Variants in SUGCT observed in about 807,000 individuals in gnomAD.
SUGCT encodes succinyl-CoA:glutarate-CoA transferase.
SUGCT carries 41 observed loss-of-function variants against 55.0 expected under a neutral mutation model. The observed-to-expected ratio is 0.74, with a 90% confidence interval of 0.58 to 0.97. The LOEUF (loss-of-function observed/expected upper bound fraction) is 0.97, where lower values mean the gene tolerates loss of function less well. Ranked by LOEUF, SUGCT falls within the 50% of genes least tolerant of loss-of-function variation. The pLI is 0.00. For synonymous variants in SUGCT, 187 were observed against 200.4 expected (o/e 0.93, Z 0.56); for missense variants, 568 against 547.8 (o/e 1.04, Z -0.37).
the SUGCT span, among the ~76,000 whole-genome samples, chr7:40,950,283 T>A: frequency 6.6e-6 from 1 of 152,214 alleles, no homozygotes; most frequent in Non-Finnish European, 1.5e-5. Flanking sequence ...GTAAGAATGC[T>A]TGTGATTTTT....
intron 9 of SUGCT, among the ~76,000 whole-genome samples, chr7:40,335,119 T>C (rs2151159917): frequency 6.6e-6 from 1 of 152,352 alleles, no homozygotes; most frequent in East Asian, 1.9e-4. Context: ...TATATCTCTG[T>C]TTTGGTACCA....
intron 13 of SUGCT, among the ~76,000 whole-genome samples, chr7:40,799,501 G>A (rs1313316827): frequency 6.6e-6 from 1 of 152,146 alleles, no homozygotes; most frequent in Non-Finnish European, 1.5e-5. Context: ...ACAAGGGTTG[G>A]TTGATGGTTG....
chr7:40,816,413 A>G (rs1791673345), intron 13 of SUGCT, among the ~76,000 whole-genome samples: 1 of 152,180 alleles, frequency 6.6e-6, no homozygotes, highest in Non-Finnish European at 1.5e-5. Context: ...AGGGCTTGGG[A>G]GAAACAAAGT....
chr7:40,605,975 C>A (rs1166774601), intron 12 of SUGCT, among the ~76,000 whole-genome samples: 1 of 152,122 alleles, frequency 6.6e-6, no homozygotes, highest in Non-Finnish European at 1.5e-5. Context: ...CCTTGTCTAG[C>A]ATGCTGAGCA....
At chr7:40,736,479 A>G (rs759823754) in intron 12 of SUGCT, among the ~76,000 whole-genome samples, 38 of 151,824 alleles carry the variant, frequency 2.5e-4, no homozygotes, top group Non-Finnish European at 4.4e-4. Flanking sequence ...TAAAGACTAC[A>G]TGGATTCAGT....
chr7:40,432,328 A>C (rs916582538), intron 9 of SUGCT, among the ~76,000 whole-genome samples: 1 of 152,212 alleles, frequency 6.6e-6, no homozygotes, highest in Non-Finnish European at 1.5e-5. Context: ...CCTGCTGAAC[A>C]AACCCACTGA....
chr7:40,859,900 C>G (rs1195210421), intron 13 of SUGCT, among the ~76,000 whole-genome samples: 1 of 152,210 alleles, frequency 6.6e-6, no homozygotes, highest in African/African-American at 2.4e-5. Flanking sequence ...ATTGAGTAGT[C>G]AGCTGCTGGG....
chr7:40,569,245 G>A (rs1216902052), intron 12 of SUGCT, among the ~76,000 whole-genome samples: 3 of 152,080 alleles, frequency 2.0e-5, no homozygotes, highest in Non-Finnish European at 4.4e-5. Context: ...GTGATCCTAG[G>A]GAAACACTCA....
At chr7:41,002,573 GTGTCCATTTTAGATTTAACAA>G in the SUGCT span, among the ~76,000 whole-genome samples, 3,227 of 152,222 alleles carry the variant, frequency 0.021, 110 homozygotes, top group African/African-American at 0.073. Context: ...GCATGATTGA[GTGTCCATTTTAGATTTAACAA>G]TATGAAATTT....
chr7:40,305,158 C>T lies in SUGCT; in HGVS notation c.721-11602C>T, dbSNP rs370256427. Among the ~76,000 whole-genome samples the T allele has an allele frequency of 6.5e-4, 99 of 152,312 alleles. 2 individuals carry two copies. In the South Asian group the frequency reaches 0.02, roughly 31 times the overall value. ...ATCCATCTGGTATGTGGGGAAGGAA[C>T]AAGTGGGCTTGGGCTTTGTCACTTC... On this transcript the variant is annotated intron_variant, in intron 8 of 13. Transcript: ENST00000335693.
chr7:40,712,560 T>G (rs1329887941), intron 12 of SUGCT, among the ~76,000 whole-genome samples: 1 of 152,238 alleles, frequency 6.6e-6, no homozygotes, highest in African/African-American at 2.4e-5. Context: ...AAAATTTGTC[T>G]TGAGTATGCA....
At chr7:40,699,113 C>T (rs1201730701) in intron 12 of SUGCT, among the ~76,000 whole-genome samples, 2 of 152,112 alleles carry the variant, frequency 1.3e-5, no homozygotes, top group East Asian at 3.8e-4. Flanking sequence ...TTTTCGATTT[C>T]ATATGAGATT....
the SUGCT span, among the ~76,000 whole-genome samples, chr7:41,026,921 A>C: frequency 1.3e-5 from 2 of 152,124 alleles, no homozygotes; most frequent in Non-Finnish European, 2.9e-5. Context: ...AATCCCAGCT[A>C]CTCAGGAGGC....
the SUGCT span, among the ~76,000 whole-genome samples, chr7:40,917,736 G>A: frequency 3.3e-5 from 5 of 152,116 alleles, no homozygotes; most frequent in Non-Finnish European, 7.3e-5. Flanking sequence ...TTTGGCGAGG[G>A]CCCTCTTCAT....
At chr7:40,987,695 A>G in the SUGCT span, among the ~76,000 whole-genome samples, 1 of 152,220 alleles carries the variant, frequency 6.6e-6, no homozygotes, top group Non-Finnish European at 1.5e-5. Context: ...CCATGAGCCA[A>G]ATGATAAATG....
intron 11 of SUGCT, among the ~76,000 whole-genome samples, chr7:40,469,513 T>A (rs1790295972): frequency 6.6e-6 from 1 of 152,308 alleles, no homozygotes. Flanking sequence ...TACTATAAAA[T>A]CAGCCCGGAG....
chr7:40,777,831 G>A (rs753085915), intron 13 of SUGCT, among the ~76,000 whole-genome samples: 2 of 152,094 alleles, frequency 1.3e-5, no homozygotes, highest in East Asian at 1.9e-4. Context: ...GAAGCCAAAC[G>A]ACCAGCTGCA....
At chr7:40,269,306 A>G in intron 7 of SUGCT, among the ~76,000 whole-genome samples, 1 of 151,456 alleles carries the variant, frequency 6.6e-6, no homozygotes, top group Non-Finnish European at 1.5e-5. Flanking sequence ...TACTTTTTTA[A>G]TTTTTTATTT....
At chr7:40,512,678 T>C (rs958187141) in intron 12 of SUGCT, among the ~76,000 whole-genome samples, 2 of 152,004 alleles carry the variant, frequency 1.3e-5, no homozygotes, top group Non-Finnish European at 2.9e-5. Flanking sequence ...TGGTAAGATG[T>C]TTGCTGGAAA....
Sources: gnomAD v4.1 joint callset for allele counts (sites outside exome capture counted in the v4.1 genomes callset) on GRCh38, gnomAD v4.1.1 for gene constraint, MANE v1.5 for transcripts, NCBI Gene and HGNC (gene_info 2026-07-23, HGNC 2026-07-21) for gene names.